Variants in NRXN2 observed in about 807,000 individuals in gnomAD.
The protein encoded by NRXN2 is neurexin-2-beta.
NRXN2 carries 29 observed loss-of-function variants against 128.8 expected under a neutral mutation model. That is an observed-to-expected ratio of 0.23 (90% CI 0.17 to 0.31). The LOEUF is 0.31. Among genes scored for constraint, NRXN2 ranks in the 10% least tolerant of loss-of-function variants. NRXN2 has a pLI of 1.00. For synonymous variants in NRXN2, 1,098 were observed against 1,075.2 expected (o/e 1.02, Z -0.41); for missense variants, 1,881 against 2,452.6 (o/e 0.77, Z 4.92).
chr11:64,716,847 CAGG>C (rs540984894), intron 1 of NRXN2, among the ~76,000 whole-genome samples: 114 of 152,198 alleles, frequency 7.5e-4, no homozygotes, highest in African/African-American at 2.6e-3. Flanking sequence ...GAGATGGTCC[CAGG>C]AGGAGTGAGC....
chr11:64,683,094 T>C (rs76355571), intron 6 of NRXN2, among the ~76,000 whole-genome samples: 1 of 152,028 alleles, frequency 6.6e-6, no homozygotes, highest in African/African-American at 2.4e-5. Flanking sequence ...CAGAAGGCCA[T>C]CTCCCTGGCC....
Position 64,652,115 on chromosome 11 carries a change from T to C in NRXN2, c.2456A>G (p.Asn819Ser), listed in dbSNP as rs781563675. 40 of 1,613,340 alleles carry C rather than the reference T, an allele frequency of 2.5e-5. No individual in the cohort carries two copies. The highest frequency in any genetic ancestry group is 6.7e-5 in the Admixed American group (4 of 60,006). The change falls in exon 13 of 23, where the codon AAT becomes AGT. Residue 819 changes from asparagine (N) to serine (S), a missense_variant. By Grantham distance (46) the Asn-to-Ser change is conservative. Coordinates refer to ENST00000265459, the MANE Select transcript of NRXN2 (RefSeq NM_015080.4). ...PETLFAGHKLNDNEWHTVRVV... is the reference protein window; with the variant it reads ...PETLFAGHKLSDNEWHTVRVV... ...CCTCACCGTGTGCCACTCATTGTCA[T>C]TGAGCTTGTGCCCCGCAAACAGCGT...
chr11:64,684,475 ACAGGTAGTGG>A (rs2052737615), intron 6 of NRXN2, among the ~76,000 whole-genome samples: 1 of 152,170 alleles, frequency 6.6e-6, no homozygotes, highest in Non-Finnish European at 1.5e-5. Context: ...CCCGGCTGCA[ACAGGTAGTGG>A]CAGGCCTGAG....
chr11:64,637,467 T>A (rs1309169491), intron 17 of NRXN2: 1 of 152,324 alleles, frequency 6.6e-6, no homozygotes, highest in African/African-American at 2.4e-5. Flanking sequence ...TAACGGTCTC[T>A]CCACTCCCAG....
At chr11:64,647,540 C>T (rs143469311) in intron 17 of NRXN2, among the ~76,000 whole-genome samples, 78 of 152,230 alleles carry the variant, frequency 5.1e-4, no homozygotes, top group African/African-American at 1.8e-3. Flanking sequence ...GGGCCTCAAA[C>T]AGAATGCAAG....
intron 21 of NRXN2, among the ~76,000 whole-genome samples, chr11:64,620,596 C>T (rs1322558559): frequency 6.6e-6 from 1 of 151,648 alleles, no homozygotes; most frequent in Non-Finnish European, 1.5e-5. Context: ...GTTTTCATGG[C>T]TTCCGAAGGT....
intron 3 of NRXN2, among the ~76,000 whole-genome samples, chr11:64,693,208 G>A (rs1369556333): frequency 1.3e-5 from 2 of 151,432 alleles, no homozygotes; most frequent in African/African-American, 2.4e-5. Context: ...GCACTGCAGC[G>A]GGGAGAGGAG....
intron 3 of NRXN2, among the ~76,000 whole-genome samples, chr11:64,697,208 G>A (rs1381947369): frequency 6.6e-6 from 1 of 152,138 alleles, no homozygotes; most frequent in Non-Finnish European, 1.5e-5. Context: ...CCTGCCGCAA[G>A]TGGCAAGTGC....
chr11:64,679,648 G>C (rs2051900969), intron 6 of NRXN2, among the ~76,000 whole-genome samples: 1 of 151,640 alleles, frequency 6.6e-6, no homozygotes, highest in Non-Finnish European at 1.5e-5. Flanking sequence ...AAAAAAAAAA[G>C]AATCAGGATT....
chr11:64,614,525 G>A (rs1250878234), intron 22 of NRXN2, among the ~76,000 whole-genome samples: 1 of 152,208 alleles, frequency 6.6e-6, no homozygotes. Flanking sequence ...TTCCCAGAGG[G>A]GACAGCCAGG....
chr11:64,611,952 C>G (rs963820830), intron 22 of NRXN2, among the ~76,000 whole-genome samples: 1 of 150,546 alleles, frequency 6.6e-6, no homozygotes, highest in African/African-American at 2.4e-5. Flanking sequence ...ATGGTAGCCT[C>G]TGTCTCCCAC....
intron 15 of NRXN2, among the ~76,000 whole-genome samples, chr11:64,650,009 C>T (rs1261284708): frequency 6.6e-6 from 1 of 152,080 alleles, no homozygotes; most frequent in Non-Finnish European, 1.5e-5. Flanking sequence ...GCTAGCCCAG[C>T]CGATGCCCAA....
chr11:64,607,646 GC>G lies in NRXN2; in HGVS notation c.4688del (p.Gly1563AlafsTer3). The G allele has an allele frequency of 6.6e-7, 1 of 1,516,104 alleles. No individual in the cohort carries two copies. 93.9% of individuals were successfully genotyped at this position (1,516,104 alleles called of 1,614,324 possible). A position where few individuals can be genotyped will look rare whatever the true frequency, so the allele number is the denominator to read the frequency against. ...GAAGCGGGTCTCGGTGGTTCATTTTGCCCGCCGGCAGGTTGGGGGCCGGGGC... is the reference window on the plus strand; with the variant it reads ...GAAGCGGGTCTCGGTGGTTCATTTTGCCGCCGGCAGGTTGGGGGCCGGGGC... ...PSAPAPNLPA[G>X]KMNHRDPLQP... On this transcript the variant is annotated frameshift_variant, in exon 23 of 23. Coordinates refer to ENST00000265459, the MANE Select transcript of NRXN2 (RefSeq NM_015080.4). LOFTEE classifies it high-confidence loss of function.
At chr11:64,685,526 G>C in intron 6 of NRXN2, 120 bp downstream of exon 6, 1 of 1,349,022 alleles carries the variant, frequency 7.4e-7, no homozygotes, top group Non-Finnish European at 1.1e-6. Flanking sequence ...TTCTTCTCCA[G>C]AACCACACCT....
chr11:64,617,189 G>C (rs879688183), intron 22 of NRXN2, among the ~76,000 whole-genome samples: 1 of 151,936 alleles, frequency 6.6e-6, no homozygotes, highest in Non-Finnish European at 1.5e-5. Context: ...TGTGTGTGTG[G>C]AAGTGGGCCC....
chr11:64,688,099 G>A (rs2053312958), intron 5 of NRXN2, among the ~76,000 whole-genome samples: 1 of 143,586 alleles, frequency 7.0e-6, no homozygotes, highest in South Asian at 2.1e-4. Context: ...AACCATGTGA[G>A]TAAGTGATTG....
At chr11:64,620,211 G>T in intron 22 of NRXN2, 83 bp downstream of exon 22, 1 of 1,116,072 alleles carries the variant, frequency 9.0e-7, no homozygotes, top group Non-Finnish European at 1.3e-6. Context: ...CCTGGGGCTT[G>T]GGCCAGGTGG....
chr11:64,671,755 G>T (rs2666559), intron 7 of NRXN2, among the ~76,000 whole-genome samples: 76,857 of 151,530 alleles, frequency 0.51, 23,311 homozygotes, highest in Non-Finnish European at 0.7. Flanking sequence ...ATGATGGGGG[G>T]AAAGAGAGAG....
rs749250657 is a variant in NRXN2, at chr11:64,607,425, C to G, written c.4910G>C (p.Gly1637Ala). The change falls in exon 23 of 23, where the codon GGC becomes GCC. Residue 1637 changes from glycine to alanine, a missense_variant. By Grantham distance (60) the Gly-to-Ala change is moderately conservative (BLOSUM62 0). Around this residue, in one of 7 missense-constraint regions of NRXN2, gnomAD observed 11 missense variants for 31.3 expected, o/e 0.35. Coordinates refer to ENST00000265459, the MANE Select transcript of NRXN2 (RefSeq NM_015080.4). ...CGCCGCCACAATGCCCACCACCATG[C>G]CCGTGGTGCTGCTGGACTCCCGGAT... ...EVIRESSSTTGMVVGIVAAAA... is the reference protein window; with the variant it reads ...EVIRESSSTTAMVVGIVAAAA... The G allele has an allele frequency of 6.2e-7, 1 of 1,612,918 alleles. No homozygotes were observed. The highest frequency in any genetic ancestry group is 1.3e-5 in the African/African-American group (1 of 74,858).
Sources: gnomAD v4.1 joint callset for allele counts (sites outside exome capture counted in the v4.1 genomes callset) on GRCh38, gnomAD v4.1.1 for gene constraint, gnomAD v4.1.1 regional missense constraint, MANE v1.5 for transcripts, NCBI Gene and HGNC (gene_info 2026-07-23, HGNC 2026-07-21) for gene names.